VWA3B: variants seen among roughly 807,000 people sequenced by gnomAD.
VWA3B encodes von Willebrand factor A domain-containing protein 3B.
In VWA3B, 138 loss-of-function variants were observed where a neutral mutation model predicts 158.3. That is an observed-to-expected ratio of 0.87 (90% CI 0.76 to 1.00). The LOEUF (loss-of-function observed/expected upper bound fraction) is 1.00. Among genes scored for constraint, VWA3B ranks in the 50% least tolerant of loss-of-function variants. The pLI is 0.00. For missense variants in VWA3B, 1,555 were observed against 1,565.1 expected, an observed-to-expected ratio of 0.99 and a Z score of 0.11; for synonymous variants, 596 against 587.3, an observed-to-expected ratio of 1.01 and a Z score of -0.21.
At chr2:98,261,645 T>G (rs1687484807) in intron 21 of VWA3B, among the ~76,000 whole-genome samples, 1 of 151,760 alleles carries the variant, frequency 6.6e-6, no homozygotes, top group Non-Finnish European at 1.5e-5. Context: ...TAATCTTGTC[T>G]TCATTTTTGA....
Position 98,177,645 on chromosome 2 carries a change from A to G in VWA3B, c.1115-3371A>G, listed in dbSNP as rs184041800. Among the ~76,000 whole-genome samples the G allele has an allele frequency of 2.3e-4, 35 of 149,268 alleles. No homozygotes were observed. In the East Asian group the frequency reaches 5.5e-3, roughly 23 times the overall value. On this transcript the variant is annotated intron_variant, in intron 8 of 27. Coordinates refer to ENST00000477737, the MANE Select transcript of VWA3B (RefSeq NM_144992.5). ...TGCTTGGTCATCCTTTCTTTCCTCT[A>G]TGAAAGTTCAGGTGGCTCTGGCGGC...
intron 1 of VWA3B, among the ~76,000 whole-genome samples, chr2:98,089,963 T>C (rs1020910119): frequency 3.3e-5 from 5 of 152,188 alleles, no homozygotes; most frequent in Admixed American, 6.5e-5. Flanking sequence ...CCTGTGACTA[T>C]TCTGAACCCC....
At chr2:98,282,432 C>CTTTT (rs759230723) in intron 22 of VWA3B, among the ~76,000 whole-genome samples, 17 of 124,900 alleles carry the variant, frequency 1.4e-4, no homozygotes, top group African/African-American at 5.1e-4. Flanking sequence ...ACATGAATTA[C>CTTTT]TTTTTTTTTT....
At chr2:98,319,375 CA>C in the VWA3B span, among the ~76,000 whole-genome samples, 1 of 151,926 alleles carries the variant, frequency 6.6e-6, no homozygotes, top group Non-Finnish European at 1.5e-5. Flanking sequence ...AGACAAATGA[CA>C]AATGGAGAGA....
In VWA3B at chr2:98,240,262, A is replaced by T. The variant is rs931094431; in HGVS notation, c.2673+3532A>T. Among the ~76,000 whole-genome samples the T allele has an allele frequency of 2.6e-5, 4 of 152,214 alleles. 1 individual carries two copies. Among genetic ancestry groups the T allele is most frequent in the African/African-American group, 9.7e-5 (4 of 41,438 alleles). ...CAATACCATATACATTTACTATTTT[A>T]AAAACTATTTTAAACATTTTGTCTT... On this transcript the variant is annotated intron_variant, in intron 19 of 27. Transcript: ENST00000477737.
At chr2:98,098,884 T>G (rs1682896230) in intron 2 of VWA3B, among the ~76,000 whole-genome samples, 1 of 152,152 alleles carries the variant, frequency 6.6e-6, no homozygotes, top group African/African-American at 2.4e-5. Context: ...AGGTTTTTGC[T>G]TTGTGATTAC....
At chr2:98,311,744 T>G in intron 26 of VWA3B, 75 bp from the exon 27 acceptor site, 4 of 1,450,126 alleles carry the variant, frequency 2.8e-6, no homozygotes, top group Non-Finnish European at 2.7e-6. Flanking sequence ...GAAGCAGCCG[T>G]GGGGATGGCT....
chr2:98,321,433 C>G, the VWA3B span, among the ~76,000 whole-genome samples: 1 of 152,172 alleles, frequency 6.6e-6, no homozygotes, highest in East Asian at 1.9e-4. Context: ...CCTGGAAAAG[C>G]CACTGACACT....
intron 22 of VWA3B, among the ~76,000 whole-genome samples, chr2:98,279,619 G>A (rs545478899): frequency 7.2e-5 from 11 of 152,326 alleles, no homozygotes; most frequent in South Asian, 2.1e-4. Context: ...AAGGCAGTCC[G>A]TGGGATATTG....
At chr2:98,160,583 C>A (rs1251900960) in intron 7 of VWA3B, among the ~76,000 whole-genome samples, 4 of 152,190 alleles carry the variant, frequency 2.6e-5, no homozygotes, top group Non-Finnish European at 5.9e-5. Context: ...GTGGTGTACT[C>A]CCTCTTAAGA....
chr2:98,277,054 C>G (rs1436335997), intron 22 of VWA3B, among the ~76,000 whole-genome samples: 2 of 152,178 alleles, frequency 1.3e-5, no homozygotes, highest in Admixed American at 1.3e-4. Flanking sequence ...CAGATGAGAC[C>G]TAAAGTGAGA....
intron 20 of VWA3B, among the ~76,000 whole-genome samples, chr2:98,251,819 A>G (rs1686815866): frequency 6.6e-6 from 1 of 152,042 alleles, no homozygotes; most frequent in South Asian, 2.1e-4. Context: ...ACCCCCTTTA[A>G]CGTGAGCCTC....
intron 19 of VWA3B, among the ~76,000 whole-genome samples, chr2:98,247,217 T>C (rs1440887886): frequency 6.6e-6 from 1 of 151,632 alleles, no homozygotes; most frequent in Non-Finnish European, 1.5e-5. Context: ...AGGCTGGTCT[T>C]GATCTCCTGA....
chr2:98,319,079 T>C, the VWA3B span, among the ~76,000 whole-genome samples: 6 of 152,336 alleles, frequency 3.9e-5, no homozygotes, highest in Admixed American at 2.0e-4. Context: ...TATTTGGAAA[T>C]GTTGTATATT....
chr2:98,150,376 T>C (rs1376289565), intron 7 of VWA3B, among the ~76,000 whole-genome samples: 1 of 152,224 alleles, frequency 6.6e-6, no homozygotes, highest in African/African-American at 2.4e-5. Context: ...CATTAGGTAG[T>C]GCATTACATT....
At chr2:98,279,423 C>G (rs1380635125) in intron 22 of VWA3B, among the ~76,000 whole-genome samples, 4 of 152,144 alleles carry the variant, frequency 2.6e-5, no homozygotes, top group Non-Finnish European at 5.9e-5. Context: ...TGTCTTTGTT[C>G]CCAACCATGA....
intron 2 of VWA3B, among the ~76,000 whole-genome samples, chr2:98,109,184 G>T (rs1673935894): frequency 6.6e-6 from 1 of 152,030 alleles, no homozygotes; most frequent in African/African-American, 2.4e-5. Flanking sequence ...TAAAGACAGG[G>T]TTTCTCCATG....
chr2:98,136,748 A>C (rs6543307), intron 7 of VWA3B, among the ~76,000 whole-genome samples: 31,215 of 152,094 alleles, frequency 0.21, 4,280 homozygotes, highest in African/African-American at 0.4. Flanking sequence ...ATTAGGTTCC[A>C]ATGTATGAAT....
intron 23 of VWA3B, among the ~76,000 whole-genome samples, chr2:98,295,663 A>C (rs1689759739): frequency 6.6e-6 from 1 of 152,188 alleles, no homozygotes; most frequent in South Asian, 2.1e-4. Context: ...ACCCTTCAGA[A>C]CCGAGGTCCT....
Sources: gnomAD v4.1 joint callset for allele counts (sites outside exome capture counted in the v4.1 genomes callset) on GRCh38, gnomAD v4.1.1 for gene constraint, MANE v1.5 for transcripts, NCBI Gene and HGNC (gene_info 2026-07-23, HGNC 2026-07-21) for gene names.